PCDHAC2: variants seen among roughly 807,000 people sequenced by gnomAD.
PCDHAC2 encodes the protein protocadherin alpha subfamily C, 2, also known as protocadherin alpha-C2.
In PCDHAC2, 24 loss-of-function variants were observed where a neutral mutation model predicts 63.3. That is an observed-to-expected ratio of 0.38 (90% CI 0.27 to 0.53). The LOEUF is 0.53. PCDHAC2 is among the 20% of genes least tolerant of loss of function. The pLI is 0.81. For synonymous variants in PCDHAC2, 569 were observed against 529.4 expected, an observed-to-expected ratio of 1.07 and a Z score of -1.03; for missense variants, 1,181 against 1,275.2, an observed-to-expected ratio of 0.93 and a Z score of 1.12.
At chr5:140,991,808 G>A (rs367660702) in intron 3 of PCDHAC2, among the ~76,000 whole-genome samples, 4 of 152,074 alleles carry the variant, frequency 2.6e-5, no homozygotes, top group East Asian at 1.9e-4. Flanking sequence ...GGCCACTTCC[G>A]CATTTTTAGG....
intron 3 of PCDHAC2, among the ~76,000 whole-genome samples, chr5:140,987,298 G>A (rs2097247103): frequency 6.6e-6 from 1 of 152,086 alleles, no homozygotes; most frequent in South Asian, 2.1e-4. Context: ...AGCCTTCTAT[G>A]TGATACCAAT....
rs782221420 is a variant in PCDHAC2, at chr5:140,967,754, T to G, written c.988T>G (p.Ser330Ala). The change falls in exon 1 of 4, where the codon TCC (serine) becomes GCC (alanine). Residue 330 changes from serine to alanine, a missense_variant. Ser to Ala is a moderately conservative substitution (Grantham distance 99). Around this residue, in one of 3 missense-constraint regions of PCDHAC2, gnomAD observed 968 missense variants for 1,073.5 expected, o/e 0.90. Coordinates refer to ENST00000289269, the MANE Select transcript of PCDHAC2 (RefSeq NM_018899.6). The stretch of plus-strand genomic sequence containing the variant: ...GGGGCTGGATTATGAGGAAGCCTCC[T>G]CCTACCAGATCTATGTGCAGGCGAC... ...IGGLDYEEAS[S>A]YQIYVQATDR... The G allele has an allele frequency of 9.9e-6, 16 of 1,614,164 alleles. No individual in the cohort carries two copies. The highest frequency in any genetic ancestry group is 7.7e-5 in the South Asian group (7 of 91,080).
intron 3 of PCDHAC2, among the ~76,000 whole-genome samples, chr5:141,009,322 G>C (rs2098405890): frequency 6.6e-6 from 1 of 152,206 alleles, no homozygotes. Flanking sequence ...AGCCTGGCAT[G>C]GGAGCTTGTG....
rs2098414886 is a variant in PCDHAC2, at chr5:141,009,848, A to T, written c.2935A>T (p.Thr979Ser). 7 of 1,614,012 alleles carry T rather than the reference A, an allele frequency of 4.3e-6. No homozygotes were observed. Among genetic ancestry groups the T allele is most frequent in the Non-Finnish European group, 5.1e-6 (6 of 1,180,014 alleles). ...DFITFGKKEE[T>S]KKKKKKKKGN... ...CATAACCTTCGGCAAAAAGGAGGAGACCAAGAAAAAGAAGAAAAAGAAGAA... is the reference window on the plus strand; with the variant it reads ...CATAACCTTCGGCAAAAAGGAGGAGTCCAAGAAAAAGAAGAAAAAGAAGAA... The change falls in exon 4 of 4, where the codon ACC becomes TCC. Residue 979 changes from threonine (T) to serine (S), a missense_variant. Thr to Ser is a moderately conservative substitution (Grantham distance 58). Around this residue, in one of 3 missense-constraint regions of PCDHAC2, gnomAD observed 968 missense variants for 1,073.5 expected, o/e 0.90. Transcript: ENST00000289269.
chr5:140,974,884 T>A (rs1485443373), intron 1 of PCDHAC2, among the ~76,000 whole-genome samples: 1 of 152,240 alleles, frequency 6.6e-6, no homozygotes, highest in Non-Finnish European at 1.5e-5. Context: ...TATGTATCCC[T>A]TTTCTGATGA....
chr5:140,994,272 CT>C (rs1359828811), intron 3 of PCDHAC2, among the ~76,000 whole-genome samples: 4 of 152,168 alleles, frequency 2.6e-5, no homozygotes, highest in African/African-American at 9.7e-5. Flanking sequence ...GCTAGGCTGC[CT>C]TTCTTGAGAC....
chr5:140,971,019 G>A (rs908442935), intron 1 of PCDHAC2, among the ~76,000 whole-genome samples: 2 of 152,174 alleles, frequency 1.3e-5, no homozygotes, highest in African/African-American at 2.4e-5. Flanking sequence ...TCTTTAGATC[G>A]TAGCATTTGA....
chr5:141,002,877 A>G (rs989540490), intron 3 of PCDHAC2, among the ~76,000 whole-genome samples: 1 of 152,252 alleles, frequency 6.6e-6, no homozygotes, highest in Non-Finnish European at 1.5e-5. Context: ...CCTCAAGAAC[A>G]GAAAGAGAAC....
chr5:140,967,351 G>C lies in PCDHAC2; in HGVS notation c.585G>C (p.Leu195=). Residue 195 remains leucine, a synonymous_variant, in exon 1 of 4, where the codon CTG becomes CTC. Transcript: ENST00000289269. ...TCAGCCCCAGCGAGCACTTCGAGCT[G>C]GACCTTAAGCCCCTGCAGGAGAACA... ...YELSPSEHFE[L]DLKPLQENSK... 6.2e-7 allele frequency: 1 copy of C among 1,608,106 alleles called. No homozygotes were observed. The highest frequency in any genetic ancestry group is 1.1e-5 in the South Asian group (1 of 90,818).
Position 141,009,908 on chromosome 5 carries a change from A to G in PCDHAC2, c.2995A>G (p.Asn999Asp), listed in dbSNP as rs1295693430. The G allele has an allele frequency of 6.2e-7, 1 of 1,612,848 alleles. No individual in the cohort carries two copies. Among genetic ancestry groups the G allele is most frequent in the Non-Finnish European group, 8.5e-7 (1 of 1,179,798 alleles). Residue 999 changes from asparagine to aspartate, a missense_variant, in exon 4 of 4, where the codon AAC (asparagine) becomes GAC (aspartate). By Grantham distance (23) the Asn-to-Asp change is conservative (BLOSUM62 1). Transcript: ENST00000289269. Reference sequence around the variant, plus strand: ...GACCCAGGAGAAAAAAGAGAAAGGGAACAGCACGACTGACAACAGTGACCA... The same window carrying G: ...GACCCAGGAGAAAAAAGAGAAAGGGGACAGCACGACTGACAACAGTGACCA... ...NKTQEKKEKG[N>D]STTDNSDQ
intron 1 of PCDHAC2, among the ~76,000 whole-genome samples, chr5:140,975,683 G>T (rs1226769029): frequency 6.6e-6 from 1 of 151,934 alleles, no homozygotes; most frequent in Non-Finnish European, 1.5e-5. Context: ...AATAAAATAG[G>T]GTATTTTAAA....
At chr5:140,978,240 C>T (rs1290697340) in intron 1 of PCDHAC2, among the ~76,000 whole-genome samples, 3 of 152,174 alleles carry the variant, frequency 2.0e-5, no homozygotes, top group African/African-American at 7.2e-5. Context: ...TGGATTTCAG[C>T]TACTCCCTGT....
intron 3 of PCDHAC2, among the ~76,000 whole-genome samples, chr5:140,998,480 G>A (rs782244125): frequency 6.6e-6 from 1 of 151,974 alleles, no homozygotes; most frequent in Non-Finnish European, 1.5e-5. Context: ...CCACTGTGCT[G>A]TAACTCTTTG....
intron 3 of PCDHAC2, among the ~76,000 whole-genome samples, chr5:140,996,928 G>A (rs114173550): frequency 6.6e-6 from 1 of 152,032 alleles, no homozygotes; most frequent in African/African-American, 2.4e-5. Flanking sequence ...AAAAAATATA[G>A]CATTTTTGCA....
At chr5:140,995,214 C>T (rs1193715389) in intron 3 of PCDHAC2, among the ~76,000 whole-genome samples, 2 of 152,136 alleles carry the variant, frequency 1.3e-5, no homozygotes, top group Admixed American at 6.6e-5. Flanking sequence ...AGGCACAATA[C>T]TCTTGTGCTT....
chr5:140,969,536 C>A, intron 1 of PCDHAC2: 1 of 1,332,634 alleles, frequency 7.5e-7, no homozygotes, highest in South Asian at 1.6e-5. Flanking sequence ...TTTTCATTTT[C>A]AGAGGCATGA....
intron 1 of PCDHAC2, chr5:140,969,574 G>T (rs948199454): frequency 1.0e-6 from 1 of 983,446 alleles, no homozygotes; most frequent in Non-Finnish European, 1.5e-6. Context: ...TGTTTGAGAA[G>T]TGAGGATTAG....
intron 1 of PCDHAC2, 166 bp from the exon 2 acceptor site, chr5:140,978,783 A>G: frequency 1.0e-6 from 1 of 972,136 alleles, no homozygotes. Context: ...TTTCTTCTAA[A>G]GTGCTATATA....
At position 140,967,672 on chromosome 5, in the gene PCDHAC2, C is replaced by T; in HGVS notation, c.906C>T (p.Asp302=). Residue 302 remains aspartate, a synonymous_variant, in exon 1 of 4, where the codon GAC becomes GAT. Transcript: ENST00000289269. ...ACTCCTTGAGCAGCTACACGTCGGA[C>T]CGGGAGAGGCAGCTCTTCAGCATAG... The part of the protein sequence containing the change: ...LRYSLSSYTS[D]RERQLFSIDA... 1.2e-6 allele frequency: 2 copies of T among 1,614,182 alleles called. No individual in the cohort carries two copies. The highest frequency in any genetic ancestry group is 8.5e-7 in the Non-Finnish European group (1 of 1,180,020).
Sources: allele counts gnomAD v4.1 joint callset (sites outside exome capture counted in the v4.1 genomes callset), GRCh38; gene constraint gnomAD v4.1.1; regional missense constraint gnomAD v4.1.1; transcripts MANE v1.5; gene names NCBI Gene and HGNC (gene_info 2026-07-23, HGNC 2026-07-21).